Variants in ZNF385D observed in about 807,000 individuals in gnomAD.
ZNF385D encodes the protein zinc finger protein 659.
ZNF385D carries 15 observed loss-of-function variants against 35.8 expected under a neutral mutation model. The ratio of observed to expected loss-of-function variants is 0.42; its 90% confidence interval spans 0.28 to 0.64. The LOEUF is 0.64. Ranked by LOEUF, ZNF385D falls within the 30% of genes least tolerant of loss-of-function variation. The probability of loss-of-function intolerance (pLI) is 0.23; values close to 1 mark genes in which losing one functional copy is unlikely to be tolerated. For synonymous variants in ZNF385D, 212 were observed against 186.8 expected (o/e 1.13, Z -1.10); for missense variants, 474 against 494.6 (o/e 0.96, Z 0.39).
At chr3:21,642,062 G>C (rs941408167) in intron 2 of ZNF385D, among the ~76,000 whole-genome samples, 9 of 152,180 alleles carry the variant, frequency 5.9e-5, no homozygotes, top group African/African-American at 2.2e-4. Context: ...AAACTCATCT[G>C]CATAATAAAA....
chr3:21,749,254 A>C (rs2069935900), intron 1 of ZNF385D, among the ~76,000 whole-genome samples: 1 of 152,200 alleles, frequency 6.6e-6, no homozygotes, highest in Non-Finnish European at 1.5e-5. Flanking sequence ...ACTAGCATAC[A>C]GTTAATAACA....
At position 21,481,566 on chromosome 3, in the gene ZNF385D, G is replaced by A. The variant is rs567771176; in HGVS notation, c.439+29295C>T. 5.3e-5 allele frequency among the ~76,000 whole-genome samples: 8 copies of A among 152,156 alleles called. No individual in the cohort carries two copies. In the South Asian group the frequency reaches 1.5e-3, roughly 28 times the overall value. On this transcript the variant is annotated intron_variant, in intron 4 of 7. Coordinates refer to ENST00000281523, the MANE Select transcript of ZNF385D (RefSeq NM_024697.3). ...TCCTTCACAGACAGGGTCTCGCTCT[G>A]TCATCCAGGCTGGAGTGCCGTGTGT...
chr3:22,262,492 A>G (rs555276392), intron 2 of ZNF385D, among the ~76,000 whole-genome samples: 7 of 152,160 alleles, frequency 4.6e-5, no homozygotes, highest in African/African-American at 1.7e-4. Flanking sequence ...AATAGACACA[A>G]GTGCCTTAGG....
At chr3:21,588,840 A>G (rs2063888828) in intron 2 of ZNF385D, among the ~76,000 whole-genome samples, 1 of 152,170 alleles carries the variant, frequency 6.6e-6, no homozygotes, top group African/African-American at 2.4e-5. Context: ...TCACCCAGAG[A>G]AAAAGAAATA....
chr3:21,478,055 T>C lies in ZNF385D; in HGVS notation c.439+32806A>G, dbSNP rs376293113. On this transcript the variant is annotated intron_variant, in intron 4 of 7. Coordinates refer to ENST00000281523, the MANE Select transcript of ZNF385D (RefSeq NM_024697.3). Reference sequence around the variant, plus strand: ...ACTTCCTCATCCCTAATGAGAATTTTGTTCAGGAAGGAGTATTTATAGCCT... The same window carrying C: ...ACTTCCTCATCCCTAATGAGAATTTCGTTCAGGAAGGAGTATTTATAGCCT... Among the ~76,000 whole-genome samples, 3 of 152,178 alleles carry C rather than the reference T, an allele frequency of 2.0e-5. No individual in the cohort carries two copies. In the South Asian group the frequency reaches 6.2e-4, roughly 32 times the overall value.
chr3:22,231,360 G>T (rs1022815426), intron 2 of ZNF385D, among the ~76,000 whole-genome samples: 8 of 152,010 alleles, frequency 5.3e-5, no homozygotes, highest in Non-Finnish European at 1.2e-4. Context: ...CCCAGTGAGA[G>T]AGAGAAAAAA....
intron 2 of ZNF385D, among the ~76,000 whole-genome samples, chr3:21,597,353 G>A (rs548008240): frequency 6.9e-6 from 1 of 145,700 alleles, no homozygotes; most frequent in East Asian, 2.0e-4. Context: ...GTTAAAAACT[G>A]TTAATTCAAA....
chr3:21,457,504 T>C (rs1421123680), intron 4 of ZNF385D, among the ~76,000 whole-genome samples: 1 of 151,988 alleles, frequency 6.6e-6, no homozygotes, highest in Non-Finnish European at 1.5e-5. Context: ...TACAGGGGCA[T>C]GCCACCATGC....
At chr3:21,921,168 A>G (rs11129030) in intron 3 of ZNF385D, among the ~76,000 whole-genome samples, 78,566 of 146,934 alleles carry the variant, frequency 0.53, 22,929 homozygotes, top group South Asian at 0.66. Flanking sequence ...GTTTGCAGTG[A>G]GCCGAGATCG....
chr3:21,570,452 A>G (rs2063301410), intron 2 of ZNF385D, among the ~76,000 whole-genome samples: 1 of 152,214 alleles, frequency 6.6e-6, no homozygotes, highest in Non-Finnish European at 1.5e-5. Context: ...TTCCTGCTCT[A>G]AGAGACCTCT....
At chr3:21,731,859 A>C (rs1018211042) in intron 1 of ZNF385D, among the ~76,000 whole-genome samples, 1 of 152,018 alleles carries the variant, frequency 6.6e-6, no homozygotes, top group Admixed American at 6.6e-5. Context: ...TTAATGTCCC[A>C]CCATGCCTTT....
At chr3:21,444,379 C>CTT (rs1263950447) in intron 4 of ZNF385D, among the ~76,000 whole-genome samples, 1 of 96,354 alleles carries the variant, frequency 1.0e-5, no homozygotes, top group Non-Finnish European at 1.9e-5. Context: ...AGCACCCGGC[C>CTT]TTTTTTTGTT....
Position 21,876,153 on chromosome 3 carries a change from AAAGC to A in ZNF385D, c.326-211129_326-211126del, listed in dbSNP as rs890270941. Among the ~76,000 whole-genome samples the A allele has an allele frequency of 6.6e-5, 10 of 151,228 alleles. No homozygotes were observed. In the East Asian group the frequency reaches 9.9e-4, roughly 15 times the overall value. On this transcript the variant is annotated intron_variant, in intron 3 of 5. Coordinates refer to the ZNF385D transcript ENST00000494108. ...GATATTGTTTGCATCTTGTAAGTGT[AAAGC>A]AAGCAAGCAAACAAACAAACAAACA...
chr3:21,649,614 T>A (rs2065854917), intron 2 of ZNF385D, among the ~76,000 whole-genome samples: 2 of 152,226 alleles, frequency 1.3e-5, no homozygotes, highest in South Asian at 4.1e-4. Context: ...CTTCAGTCTC[T>A]TTCATTGAAA....
intron 2 of ZNF385D, among the ~76,000 whole-genome samples, chr3:22,325,393 A>G (rs919551837): frequency 2.0e-5 from 3 of 152,188 alleles, no homozygotes; most frequent in African/African-American, 7.2e-5. Context: ...GCAATACAGT[A>G]AAATTATTTT....
At chr3:21,782,334 G>A (rs904898789) in intron 3 of ZNF385D, among the ~76,000 whole-genome samples, 3 of 152,054 alleles carry the variant, frequency 2.0e-5, no homozygotes, top group Non-Finnish European at 4.4e-5. Context: ...TGAGGGAAAT[G>A]ACCTGCTACC....
chr3:22,112,357 C>A (rs1702579549), intron 3 of ZNF385D, among the ~76,000 whole-genome samples: 1 of 152,032 alleles, frequency 6.6e-6, no homozygotes, highest in Non-Finnish European at 1.5e-5. Flanking sequence ...CAGTCATAGT[C>A]CTCCAACCAT....
intron 3 of ZNF385D, among the ~76,000 whole-genome samples, chr3:21,547,622 T>C (rs1485461100): frequency 4.8e-5 from 7 of 147,114 alleles, no homozygotes; most frequent in Admixed American, 1.3e-4. Context: ...TTTGTTTTGT[T>C]TTTTTTTTTT....
At chr3:22,131,112 T>C (rs937481872) in intron 3 of ZNF385D, among the ~76,000 whole-genome samples, 1 of 152,002 alleles carries the variant, frequency 6.6e-6, no homozygotes, top group Non-Finnish European at 1.5e-5. Context: ...TTGGATAAAA[T>C]GTATAAGATA....
Sources: gnomAD v4.1 joint callset for allele counts (sites outside exome capture counted in the v4.1 genomes callset) on GRCh38, gnomAD v4.1.1 for gene constraint, MANE v1.5 for transcripts, NCBI Gene and HGNC (gene_info 2026-07-23, HGNC 2026-07-21) for gene names.